Variants in CYP2C19 observed in about 807,000 individuals in gnomAD.
The protein encoded by CYP2C19 is cytochrome P450 2C19.
CYP2C19 carries 59 observed loss-of-function variants against 40.9 expected under a neutral mutation model. That is an observed-to-expected ratio of 1.44 (90% CI 1.17 to 1.79). The LOEUF (loss-of-function observed/expected upper bound fraction) is 1.79, where lower values mean the gene tolerates loss of function less well. Among genes scored for constraint, CYP2C19 ranks in the 40% most tolerant of loss-of-function variants. The pLI is 0.00. For missense variants in CYP2C19, 754 were observed against 596.9 expected, an observed-to-expected ratio of 1.26 and a Z score of -2.74; for synonymous variants, 253 against 208.7, an observed-to-expected ratio of 1.21 and a Z score of -1.83.
chr10:94,821,966 AG>A (rs1849129445), intron 6 of CYP2C19, among the ~76,000 whole-genome samples: 1 of 151,968 alleles, frequency 6.6e-6, no homozygotes, highest in Non-Finnish European at 1.5e-5. Flanking sequence ...AGTGATCCTC[AG>A]TGTCTATTGT....
At chr10:94,764,148 A>G in intron 1 of CYP2C19, among the ~76,000 whole-genome samples, 1 of 152,082 alleles carries the variant, frequency 6.6e-6, no homozygotes, top group Non-Finnish European at 1.5e-5. Flanking sequence ...ATTTATTGTG[A>G]AGAGCAAAAG....
chr10:94,836,521 G>C (rs1164488282), intron 6 of CYP2C19, among the ~76,000 whole-genome samples: 1 of 152,210 alleles, frequency 6.6e-6, no homozygotes, highest in Non-Finnish European at 1.5e-5. Flanking sequence ...TTACTAAATG[G>C]ATATTGACTT....
intron 7 of CYP2C19, among the ~76,000 whole-genome samples, chr10:94,848,697 TCCTA>T (rs917987334): frequency 1.4e-4 from 22 of 152,334 alleles, no homozygotes; most frequent in African/African-American, 5.1e-4. Flanking sequence ...TATTGATTCT[TCCTA>T]CCTATGAGCA....
At chr10:94,816,512 A>G (rs1849004916) in intron 5 of CYP2C19, among the ~76,000 whole-genome samples, 1 of 152,138 alleles carries the variant, frequency 6.6e-6, no homozygotes, top group Non-Finnish European at 1.5e-5. Flanking sequence ...CTTTTGTTTA[A>G]CAGTCTTTGT....
rs1849676448 is a variant in CYP2C19 at position 94,852,874 on chromosome 10, C to T, written c.1433C>T (p.Ser478Phe). Reference protein sequence around the residue: ...DTTPVVNGFASVPPFYQLCFI... With the variant: ...DTTPVVNGFAFVPPFYQLCFI... ...ACTCCTGTTGTCAATGGATTTGCTT[C>T]TGTCCCGCCCTTCTATCAGCTGTGC... Residue 478 changes from serine (S) to phenylalanine (F), a missense_variant, in exon 9 of 9, where the codon TCT becomes TTT. Transcript: ENST00000371321. The T allele has an allele frequency of 2.9e-5, 46 of 1,613,946 alleles. No homozygotes were observed. Among genetic ancestry groups the T allele is most frequent in the Non-Finnish European group, 3.8e-5 (45 of 1,179,968 alleles).
At chr10:94,770,023 G>T (rs1157494884) in intron 1 of CYP2C19, among the ~76,000 whole-genome samples, 1 of 152,180 alleles carries the variant, frequency 6.6e-6, no homozygotes, top group Non-Finnish European at 1.5e-5. Context: ...GTTACAGGCT[G>T]TCCCAGGATT....
At chr10:94,775,853 G>A (rs559479343) in intron 3 of CYP2C19, 137 of 419,666 alleles carry the variant, frequency 3.3e-4, no homozygotes, top group Middle Eastern at 2.1e-3. Context: ...GAGTTAAAGA[G>A]CAGTGTTTTT....
At chr10:94,783,055 C>G (rs1408084440) in intron 5 of CYP2C19, among the ~76,000 whole-genome samples, 5 of 151,972 alleles carry the variant, frequency 3.3e-5, no homozygotes, top group African/African-American at 9.7e-5. Context: ...ACGTGTGTAC[C>G]TATTTAACAA....
rs1460363311 is a variant in CYP2C19 at position 94,781,952 on chromosome 10, C to A, written c.774C>A (p.Asn258Lys). The change falls in exon 5 of 9, where the codon AAC (asparagine) becomes AAA (lysine). Residue 258 changes from asparagine to lysine, a missense_variant. Transcript: ENST00000371321. ...VKEHQESMDI[N>K]NPRDFIDCFL... ...AACACCAAGAATCGATGGACATCAA[C>A]AACCCTCGGGACTTTATTGATTGCT... 1.3e-6 allele frequency: 2 copies of A among 1,522,684 alleles called. No homozygotes were observed. Among genetic ancestry groups the A allele is most frequent in the Non-Finnish European group, 1.7e-6 (2 of 1,146,094 alleles). The allele number at this position is 1,522,684 out of a possible 1,614,324, so 94.3% of individuals were successfully genotyped here. A position where few individuals can be genotyped will look rare whatever the true frequency, so the allele number is the denominator to read the frequency against.
chr10:94,818,479 G>C (rs1026488396), intron 5 of CYP2C19, among the ~76,000 whole-genome samples: 10 of 150,602 alleles, frequency 6.6e-5, no homozygotes, highest in Non-Finnish European at 1.0e-4. Context: ...ATTACCTTGG[G>C]CAGTATGGCC....
chr10:94,830,520 A>C (rs938994617), intron 6 of CYP2C19, among the ~76,000 whole-genome samples: 4 of 152,134 alleles, frequency 2.6e-5, no homozygotes, highest in Non-Finnish European at 4.4e-5. Context: ...CGGCTCCCGC[A>C]GGGTGCACGC....
At chr10:94,779,944 A>G (rs1049480268) in intron 3 of CYP2C19, among the ~76,000 whole-genome samples, 23 of 152,178 alleles carry the variant, frequency 1.5e-4, no homozygotes, top group African/African-American at 5.1e-4. Context: ...AAACTAATCT[A>G]TGTTAGACAT....
intron 5 of CYP2C19, among the ~76,000 whole-genome samples, chr10:94,817,905 T>C (rs1849035601): frequency 6.8e-6 from 1 of 147,802 alleles, no homozygotes; most frequent in Non-Finnish European, 1.5e-5. Context: ...CCCAGCTACT[T>C]GGGAGGCTGA....
intron 6 of CYP2C19, among the ~76,000 whole-genome samples, chr10:94,833,625 A>G (rs1342744690): frequency 6.6e-6 from 1 of 152,240 alleles, no homozygotes; most frequent in Non-Finnish European, 1.5e-5. Context: ...GCCATAAAAA[A>G]TGATGAGTTC....
At chr10:94,811,253 C>T (rs1389433465) in intron 5 of CYP2C19, among the ~76,000 whole-genome samples, 1 of 152,028 alleles carries the variant, frequency 6.6e-6, no homozygotes, top group African/African-American at 2.4e-5. Context: ...AGGTTGTTTG[C>T]TTTAATTTCT....
chr10:94,852,695 C>T, intron 8 of CYP2C19, 38 bp from the exon 9 acceptor site: 1 of 1,605,084 alleles, frequency 6.2e-7, no homozygotes, highest in Non-Finnish European at 8.5e-7. Flanking sequence ...CACAGTTACA[C>T]ATGAGGAGTA....
intron 5 of CYP2C19, among the ~76,000 whole-genome samples, chr10:94,795,197 C>A (rs951592639): frequency 1.5e-5 from 2 of 132,664 alleles, no homozygotes; most frequent in African/African-American, 5.6e-5. Context: ...TATTCTCCTT[C>A]CTGTGTCCAA....
At chr10:94,824,258 T>G (rs745535461) in intron 6 of CYP2C19, among the ~76,000 whole-genome samples, 2 of 152,128 alleles carry the variant, frequency 1.3e-5, no homozygotes, top group Admixed American at 6.6e-5. Flanking sequence ...GTGGAAAAAT[T>G]AGTGTGTCTA....
rs904441590 is a variant in CYP2C19 at position 94,769,809 on chromosome 10, G to T, written c.169-5249G>T. Reference sequence around the variant, plus strand: ...TGCTCTTCCAAATTGTCCTTCCAGTGCCCAGACTTCAGGGTTAATTCCCTC... The same window carrying T: ...TGCTCTTCCAAATTGTCCTTCCAGTTCCCAGACTTCAGGGTTAATTCCCTC... On this transcript the variant is annotated intron_variant, in intron 1 of 8. Coordinates refer to ENST00000371321, the MANE Select transcript of CYP2C19 (RefSeq NM_000769.4). Among the ~76,000 whole-genome samples the T allele has an allele frequency of 2.0e-5, 3 of 152,124 alleles. No homozygotes were observed. The East Asian group carries it at 5.8e-4, about 29-fold the overall frequency.
Sources: gnomAD v4.1 joint callset for allele counts (sites outside exome capture counted in the v4.1 genomes callset) on GRCh38, gnomAD v4.1.1 for gene constraint, MANE v1.5 for transcripts, NCBI Gene and HGNC (gene_info 2026-07-23, HGNC 2026-07-21) for gene names.